The following ATP6V1A variants were observed in gnomAD, a reference collection of about 807,000 sequenced individuals.
The protein encoded by ATP6V1A is ATPase H+ transporting V1 subunit A.
A neutral mutation model predicts 70.1 loss-of-function variants in ATP6V1A; 18 were observed. The ratio of observed to expected loss-of-function variants is 0.26; its 90% CI spans 0.18 to 0.38. ATP6V1A has a LOEUF of 0.38. ATP6V1A is among the 10% of genes least tolerant of loss of function. ATP6V1A has a pLI of 1.00. For missense variants in ATP6V1A, 424 were observed against 772.4 expected (o/e 0.55, Z 5.35); for synonymous variants, 232 against 253.8 (o/e 0.91, Z 0.82).
intron 1 of ATP6V1A, among the ~76,000 whole-genome samples, chr3:113,772,466 G>T (rs1383250289): frequency 1.3e-5 from 2 of 152,138 alleles, no homozygotes; most frequent in African/African-American, 4.8e-5. Context: ...CATGGCTCAC[G>T]CCTGTAATCC....
At chr3:113,769,387 A>C (rs1708807774) in intron 1 of ATP6V1A, among the ~76,000 whole-genome samples, 1 of 152,176 alleles carries the variant, frequency 6.6e-6, no homozygotes, top group South Asian at 2.1e-4. Flanking sequence ...TGATTTCCAG[A>C]GATAGTCTTT....
intron 1 of ATP6V1A, among the ~76,000 whole-genome samples, chr3:113,750,015 A>G (rs1214074499): frequency 6.6e-6 from 1 of 152,210 alleles, no homozygotes; most frequent in Non-Finnish European, 1.5e-5. Context: ...AATGAATCGT[A>G]CTAAATGAAA....
intron 5 of ATP6V1A, among the ~76,000 whole-genome samples, chr3:113,785,700 T>C (rs1311297504): frequency 6.7e-6 from 1 of 150,010 alleles, no homozygotes; most frequent in Non-Finnish European, 1.5e-5. Flanking sequence ...GATGGACTCT[T>C]GCTCTGTCAC....
Position 113,811,958 on chromosome 3 carries a change from T to A in ATP6V1A, c.*2531T>A, listed in dbSNP as rs1709345994. 1 of 152,626 alleles carries A rather than the reference T, an allele frequency of 6.6e-6. No individual in the cohort carries two copies. Among genetic ancestry groups the A allele is most frequent in the Admixed American group, 6.5e-5 (1 of 15,270 alleles). 9.5% of individuals were successfully genotyped at this position (152,626 alleles called of 1,614,324 possible). ...TGAATAACGAATAGAAGAGGCCATA[T>A]ATATTGCCTCCTTATCCTTGAGATT... On this transcript the variant is annotated 3_prime_UTR_variant, in exon 15 of 15. Coordinates refer to ENST00000273398, the MANE Select transcript of ATP6V1A (RefSeq NM_001690.4).
chr3:113,781,970 T>G (rs1036893143), intron 3 of ATP6V1A, among the ~76,000 whole-genome samples: 11 of 152,254 alleles, frequency 7.2e-5, no homozygotes, highest in African/African-American at 2.7e-4. Flanking sequence ...ATCATAATTT[T>G]GGCTTTTAAA....
At chr3:113,772,842 A>G (rs1441347301) in intron 1 of ATP6V1A, among the ~76,000 whole-genome samples, 1 of 151,908 alleles carries the variant, frequency 6.6e-6, no homozygotes, top group Non-Finnish European at 1.5e-5. Context: ...ATGTATTTAC[A>G]ACCACCTCTC....
At chr3:113,768,072 A>G (rs935798388) in intron 1 of ATP6V1A, among the ~76,000 whole-genome samples, 1 of 152,200 alleles carries the variant, frequency 6.6e-6, no homozygotes, top group African/African-American at 2.4e-5. Flanking sequence ...CTAGCGTTTT[A>G]TCTTCACTAT....
At chr3:113,764,523 A>G (rs116613386) in intron 1 of ATP6V1A, among the ~76,000 whole-genome samples, 1 of 152,324 alleles carries the variant, frequency 6.6e-6, no homozygotes, top group African/African-American at 2.4e-5. Flanking sequence ...TTAAAATTAT[A>G]AGCATATTGC....
intron 1 of ATP6V1A, among the ~76,000 whole-genome samples, chr3:113,767,379 G>T (rs77063576): frequency 2.0e-5 from 3 of 152,038 alleles, no homozygotes; most frequent in Non-Finnish European, 4.4e-5. Flanking sequence ...AAGCCACTGC[G>T]CCCAGCCTGA....
chr3:113,753,029 A>G (rs1219004423), intron 1 of ATP6V1A, among the ~76,000 whole-genome samples: 2 of 152,170 alleles, frequency 1.3e-5, no homozygotes, highest in African/African-American at 2.4e-5. Flanking sequence ...TTTAGTGGCA[A>G]AAATAAAGGA....
At chr3:113,779,979 C>G (rs1046129353) in intron 2 of ATP6V1A, among the ~76,000 whole-genome samples, 6 of 152,108 alleles carry the variant, frequency 3.9e-5, no homozygotes, top group African/African-American at 1.4e-4. Flanking sequence ...AGGTTTTAAG[C>G]CCCACGTGCG....
At chr3:113,760,832 G>C (rs1708695184) in intron 1 of ATP6V1A, among the ~76,000 whole-genome samples, 2 of 151,652 alleles carry the variant, frequency 1.3e-5, no homozygotes, top group Admixed American at 6.6e-5. Flanking sequence ...ACTTTGGGAG[G>C]CCAAGGCAGG....
At chr3:113,779,409 G>A (rs962855491) in intron 2 of ATP6V1A, among the ~76,000 whole-genome samples, 1 of 152,012 alleles carries the variant, frequency 6.6e-6, no homozygotes, top group African/African-American at 2.4e-5. Flanking sequence ...TAAATCTTAC[G>A]CCAGTATTTG....
intron 8 of ATP6V1A, 96 bp from the exon 9 acceptor site, chr3:113,794,776 G>A: frequency 4.3e-6 from 6 of 1,395,332 alleles, no homozygotes; most frequent in Non-Finnish European, 5.8e-6. Context: ...AGTCTACGTT[G>A]TGTACTTATT....
At chr3:113,796,456 G>A (rs1175327124) in intron 11 of ATP6V1A, among the ~76,000 whole-genome samples, 1 of 152,078 alleles carries the variant, frequency 6.6e-6, no homozygotes, top group African/African-American at 2.4e-5. Flanking sequence ...TTTGAACCTT[G>A]GATTCAAAAG....
intron 1 of ATP6V1A, among the ~76,000 whole-genome samples, chr3:113,754,049 A>C (rs1271111485): frequency 6.6e-6 from 1 of 152,236 alleles, no homozygotes; most frequent in East Asian, 1.9e-4. Flanking sequence ...AGAGGAAATA[A>C]GCAGAAAAGG....
chr3:113,769,523 T>G (rs1444630928), intron 1 of ATP6V1A, among the ~76,000 whole-genome samples: 2 of 152,226 alleles, frequency 1.3e-5, no homozygotes, highest in African/African-American at 2.4e-5. Context: ...CCTTGGAATC[T>G]TAGTGTTTAA....
intron 1 of ATP6V1A, among the ~76,000 whole-genome samples, chr3:113,757,383 A>G (rs1193047340): frequency 6.6e-6 from 1 of 152,308 alleles, no homozygotes; most frequent in South Asian, 2.1e-4. Context: ...GCAACAGAAA[A>G]TAACTTTCCC....
In ATP6V1A at chr3:113,774,306, C is replaced by T. The variant is rs572678732; in HGVS notation, c.-13-4435C>T. ...TCACTGGACACTTTAGAAATGGACA[C>T]TTTAGAAAAAAGGCAATCTTAGCTT... On this transcript the variant is annotated intron_variant, in intron 1 of 14. Transcript: ENST00000273398. Among the ~76,000 whole-genome samples, 62 of 152,264 alleles carry T rather than the reference C, an allele frequency of 4.1e-4. 1 individual carries two copies. The highest frequency in any genetic ancestry group is 6.9e-4 in the Non-Finnish European group (47 of 68,016).
Sources: allele counts gnomAD v4.1 joint callset (sites outside exome capture counted in the v4.1 genomes callset), GRCh38; gene constraint gnomAD v4.1.1; transcripts MANE v1.5; gene names NCBI Gene and HGNC (gene_info 2026-07-23, HGNC 2026-07-21).